Variants in LARP1B observed in about 807,000 individuals in gnomAD.
LARP1B encodes the protein la-related protein 1B.
In LARP1B, 76 loss-of-function variants were observed where a neutral mutation model predicts 114.2. The ratio of observed to expected loss-of-function variants is 0.67; its 90% CI spans 0.55 to 0.81. The LOEUF is 0.81. Among genes scored for constraint, LARP1B ranks in the 30% least tolerant of loss-of-function variants. LARP1B has a pLI of 0.00. For synonymous variants in LARP1B, 345 were observed against 348.0 expected (o/e 0.99, Z 0.10); for missense variants, 1,014 against 1,075.8 (o/e 0.94, Z 0.80).
intron 13 of LARP1B, among the ~76,000 whole-genome samples, chr4:128,177,670 C>G (rs1242231623): frequency 1.3e-5 from 2 of 151,894 alleles, no homozygotes; most frequent in Non-Finnish European, 2.9e-5. Flanking sequence ...TGCACAAAAC[C>G]CAGTCTTCAC....
At chr4:128,061,570 G>C in intron 1 of LARP1B, 169 bp downstream of exon 1, 1 of 591,450 alleles carries the variant, frequency 1.7e-6, no homozygotes, top group Non-Finnish European at 2.1e-6. Context: ...CGGCGGCCAC[G>C]GCCGCCGGGC....
At chr4:128,143,250 A>G (rs1200603249) in intron 11 of LARP1B, among the ~76,000 whole-genome samples, 6 of 152,012 alleles carry the variant, frequency 3.9e-5, no homozygotes, top group African/African-American at 1.4e-4. Context: ...ATGCCACTGC[A>G]CTCCGTGACA....
At chr4:128,107,088 C>T (rs1561239573) in intron 8 of LARP1B, 51 bp from the exon 9 acceptor site, 2 of 1,482,350 alleles carry the variant, frequency 1.3e-6, no homozygotes, top group East Asian at 2.3e-5. Context: ...AGAAGTATAG[C>T]ACAGACAGTG....
chr4:128,129,738 A>G (rs1446638686), intron 11 of LARP1B, among the ~76,000 whole-genome samples: 1 of 152,196 alleles, frequency 6.6e-6, no homozygotes, highest in East Asian at 1.9e-4. Context: ...GATGCAGTCA[A>G]CTGATGCTTG....
rs1780570458 is a variant in LARP1B, at chr4:128,102,244, A to G, written c.813+3914A>G. Among the ~76,000 whole-genome samples, 3 of 152,244 alleles carry G rather than the reference A, an allele frequency of 2.0e-5. No homozygotes were observed. The South Asian group carries it at 6.2e-4, about 32-fold the overall frequency. On this transcript the variant is annotated intron_variant, in intron 8 of 19. Transcript: ENST00000326639. ...AGGCTTCATTAGGCATTGTAGTGTT[A>G]ACATATCAAGATCATGGACCTATGA...
chr4:128,188,598 C>T (rs1000292146), intron 15 of LARP1B, among the ~76,000 whole-genome samples: 1 of 152,012 alleles, frequency 6.6e-6, no homozygotes, highest in African/African-American at 2.4e-5. Context: ...CGTTAGGTTG[C>T]TTATTTGAAA....
intron 3 of LARP1B, 54 bp downstream of exon 3, chr4:128,075,047 C>T (rs561613206): frequency 6.6e-5 from 74 of 1,121,132 alleles, no homozygotes; most frequent in South Asian, 4.8e-4. Context: ...GTATTCATTT[C>T]GACATGCAGA....
At chr4:128,149,763 T>G (rs1006216757) in intron 11 of LARP1B, among the ~76,000 whole-genome samples, 1 of 152,102 alleles carries the variant, frequency 6.6e-6, no homozygotes, top group African/African-American at 2.4e-5. Context: ...GAAGGGAGAC[T>G]TAAAGCAGGA....
At chr4:128,185,994 T>C (rs1473185132) in intron 15 of LARP1B, among the ~76,000 whole-genome samples, 1 of 152,192 alleles carries the variant, frequency 6.6e-6, no homozygotes, top group Non-Finnish European at 1.5e-5. Context: ...TGATAATGTG[T>C]AGATTTTTTT....
intron 9 of LARP1B, chr4:128,107,971 A>G: frequency 2.6e-6 from 4 of 1,531,992 alleles, no homozygotes; most frequent in Non-Finnish European, 3.5e-6. Flanking sequence ...CTTTATAAAT[A>G]CTGGAACAAA....
At chr4:128,189,680 A>G (rs1751595171) in intron 15 of LARP1B, among the ~76,000 whole-genome samples, 4 of 151,868 alleles carry the variant, frequency 2.6e-5, no homozygotes, top group Admixed American at 2.6e-4. Flanking sequence ...TTTTATTTTT[A>G]GTGTATCTAT....
chr4:128,178,822 G>A (rs954199844), intron 14 of LARP1B, among the ~76,000 whole-genome samples, 180 bp downstream of exon 14: 2 of 152,082 alleles, frequency 1.3e-5, no homozygotes, highest in South Asian at 2.1e-4. Flanking sequence ...GGTTGGGCAC[G>A]GTGGTTTATG....
At chr4:128,125,042 T>C (rs1016637074) in intron 11 of LARP1B, among the ~76,000 whole-genome samples, 1 of 152,180 alleles carries the variant, frequency 6.6e-6, no homozygotes, top group African/African-American at 2.4e-5. Context: ...TTTTGGCATA[T>C]ATTTACTGCT....
chr4:128,067,235 A>G (rs1446327721), intron 1 of LARP1B, among the ~76,000 whole-genome samples: 2 of 152,204 alleles, frequency 1.3e-5, no homozygotes, highest in Admixed American at 6.5e-5. Context: ...AATTTATACT[A>G]TATAAATTGT....
At chr4:128,198,066 A>G (rs1343746897) in intron 15 of LARP1B, among the ~76,000 whole-genome samples, 1 of 151,458 alleles carries the variant, frequency 6.6e-6, no homozygotes. Context: ...TGTATTTTTT[A>G]TAGAGACAGG....
Position 128,122,083 on chromosome 4 carries a change from G to A in LARP1B, c.1419G>A (p.Arg473=). The A allele has an allele frequency of 6.2e-7, 1 of 1,613,964 alleles. No homozygotes were observed. The highest frequency in any genetic ancestry group is 8.5e-7 in the Non-Finnish European group (1 of 1,180,000). ...ATCGAACAGGCACCCACATGTCTCGGGCAAAAATCACATCTGAACTTGCTA... is the reference window on the plus strand; with the variant it reads ...ATCGAACAGGCACCCACATGTCTCGAGCAAAAATCACATCTGAACTTGCTA... ...GGDRTGTHMS[R]AKITSELAKV... is the part of the protein sequence containing the mutation. The change falls in exon 11 of 20, where the codon CGG becomes CGA. Residue 473 remains arginine (R), a synonymous_variant. Coordinates refer to ENST00000326639, the MANE Select transcript of LARP1B (RefSeq NM_018078.4).
Position 128,122,199 on chromosome 4 carries a change from C to T in LARP1B, c.1524+11C>T. 6.2e-7 allele frequency: 1 copy of T among 1,610,104 alleles called. No individual in the cohort carries two copies. ...CACACAGCCATAAAGGTAATTGTTT[C>T]TGGCCAACATCTTTCTACTGATGCT... On this transcript the variant is annotated intron_variant, in intron 11 of 19. Coordinates refer to ENST00000326639, the MANE Select transcript of LARP1B (RefSeq NM_018078.4).
intron 10 of LARP1B, among the ~76,000 whole-genome samples, chr4:128,116,088 A>C (rs1785711012): frequency 6.6e-6 from 1 of 152,210 alleles, no homozygotes; most frequent in Non-Finnish European, 1.5e-5. Context: ...AAGAAAATTG[A>C]ATTTTTGGTG....
chr4:128,212,962 G>T, downstream of LARP1B, among the ~76,000 whole-genome samples: 1 of 119,514 alleles, frequency 8.4e-6, no homozygotes, highest in African/African-American at 3.1e-5. Flanking sequence ...CTTGTTGCCC[G>T]GGCTGGAGTG....
Sources: gnomAD v4.1 joint callset for allele counts (sites outside exome capture counted in the v4.1 genomes callset) on GRCh38, gnomAD v4.1.1 for gene constraint, MANE v1.5 for transcripts, NCBI Gene and HGNC (gene_info 2026-07-23, HGNC 2026-07-21) for gene names.